Variants in MAP3K9 observed in about 807,000 individuals in gnomAD.
The protein encoded by MAP3K9 is mitogen-activated protein kinase kinase kinase 9.
A neutral mutation model predicts 95.8 loss-of-function variants in MAP3K9; 46 were observed. That is an observed-to-expected ratio of 0.48 (90% CI 0.38 to 0.61). The LOEUF (loss-of-function observed/expected upper bound fraction) is 0.61. Ranked by LOEUF, MAP3K9 falls within the 20% of genes least tolerant of loss-of-function variation. The pLI, the probability that MAP3K9 is intolerant of heterozygous loss-of-function variation, is 0.00. For synonymous variants in MAP3K9, 533 were observed against 593.8 expected, an observed-to-expected ratio of 0.90 and a Z score of 1.49; for missense variants, 1,296 against 1,474.3, an observed-to-expected ratio of 0.88 and a Z score of 1.98.
In MAP3K9 at chr14:70,733,079, C is replaced by CT; in HGVS notation, c.2289dup (p.Gly764ArgfsTer5). On this transcript the variant is annotated frameshift_variant, in exon 11 of 12. Coordinates refer to ENST00000554752, the MANE Select transcript of MAP3K9 (RefSeq NM_001284230.2). LOFTEE classifies it high-confidence loss of function. ...GCTTCCAGCAAGTCAAACCCTAGGC[C>CT]TGTGGCTGCCAGAACAGCCCCACAG... 2 of 1,614,146 alleles carry CT rather than the reference C, an allele frequency of 1.2e-6. No homozygotes were observed. Among genetic ancestry groups the CT allele is most frequent in the Non-Finnish European group, 1.7e-6 (2 of 1,180,040 alleles).
intron 7 of MAP3K9, among the ~76,000 whole-genome samples, chr14:70,739,409 C>T (rs1320696817): frequency 6.6e-6 from 1 of 152,046 alleles, no homozygotes; most frequent in Non-Finnish European, 1.5e-5. Flanking sequence ...GGATTACAGG[C>T]ATAAGCCACC....
chr14:70,751,718 C>G (rs902982936), intron 3 of MAP3K9, among the ~76,000 whole-genome samples: 1 of 152,024 alleles, frequency 6.6e-6, no homozygotes, highest in Non-Finnish European at 1.5e-5. Flanking sequence ...GACTCTGTCT[C>G]AAAGTAATCA....
rs1412704523 is a variant in MAP3K9, at chr14:70,800,683, G to A, written c.804C>T (p.Asp268=). Residue 268 remains aspartate, a synonymous_variant, in exon 2 of 12, where the codon GAC becomes GAT. Transcript: ENST00000554752. ...CATACTCACTGTTGCTGGACTTAAGGTCGCGGTGGATGATGGGAACAATTG... is the reference window on the plus strand; with the variant it reads ...CATACTCACTGTTGCTGGACTTAAGATCGCGGTGGATGATGGGAACAATTG... ...DEAIVPIIHR[D]LKSSNILILQ... is the part of the protein sequence containing the mutation. 2 of 1,613,648 alleles carry A rather than the reference G, an allele frequency of 1.2e-6. No individual in the cohort carries two copies. Among genetic ancestry groups the A allele is most frequent in the Non-Finnish European group, 1.7e-6 (2 of 1,179,798 alleles).
rs767160217 is a variant in MAP3K9, at chr14:70,732,613, C to G, written c.2756G>C (p.Gly919Ala). The change falls in exon 11 of 12, where the codon GGG (glycine) becomes GCG (alanine). Residue 919 changes from glycine (G) to alanine (A), a missense_variant. Gly to Ala is a moderately conservative substitution (Grantham distance 60, BLOSUM62 0). This residue lies in a region of MAP3K9 where 433 missense variants were observed against 441.4 expected (regional missense o/e 0.98). Coordinates refer to ENST00000554752, the MANE Select transcript of MAP3K9 (RefSeq NM_001284230.2). ...TAGGAGAGTCTCTGGCTTAAGGGCCCCATCAGAAGGAGTCCGCCGGTGACT... is the reference window on the plus strand; with the variant it reads ...TAGGAGAGTCTCTGGCTTAAGGGCCGCATCAGAAGGAGTCCGCCGGTGACT... ...PSSHRRTPSD[G>A]ALKPETLLAS... 6.8e-6 allele frequency: 11 copies of G among 1,606,834 alleles called. No individual in the cohort carries two copies. In the Admixed American group the frequency reaches 1.9e-4, roughly 27 times the overall value.
chr14:70,750,527 CA>C (rs2054211393), intron 3 of MAP3K9, among the ~76,000 whole-genome samples: 1 of 152,166 alleles, frequency 6.6e-6, no homozygotes. Context: ...CTCGGTTGCT[CA>C]GGCTGGAGTG....
intron 2 of MAP3K9, among the ~76,000 whole-genome samples, chr14:70,793,810 T>C (rs1421417938): frequency 2.0e-5 from 3 of 152,174 alleles, no homozygotes; most frequent in African/African-American, 7.2e-5. Context: ...AGAGGCCAGG[T>C]TGTGTAACTT....
At position 70,794,291 on chromosome 14, in the gene MAP3K9, G is replaced by C. The variant is rs74065433; in HGVS notation, c.820+6376C>G. On this transcript the variant is annotated intron_variant, in intron 2 of 11. Coordinates refer to ENST00000554752, the MANE Select transcript of MAP3K9 (RefSeq NM_001284230.2). ...CAAATACAGTTCACCACTCACCTCT[G>C]CTCTTTCAGCTATAAAGTTAAGAAT... Among the ~76,000 whole-genome samples the C allele has an allele frequency of 3.8e-3, 585 of 152,332 alleles. 3 individuals carry two copies. The highest frequency in any genetic ancestry group is 0.013 in the African/African-American group (560 of 41,576).
At chr14:70,768,510 T>G (rs895911824) in intron 2 of MAP3K9, among the ~76,000 whole-genome samples, 1 of 152,036 alleles carries the variant, frequency 6.6e-6, no homozygotes, top group South Asian at 2.1e-4. Flanking sequence ...AGAGAGGAAT[T>G]ACAGACAAAC....
At chr14:70,766,111 G>C (rs1476938283) in intron 2 of MAP3K9, among the ~76,000 whole-genome samples, 1 of 152,040 alleles carries the variant, frequency 6.6e-6, no homozygotes, top group South Asian at 2.1e-4. Flanking sequence ...GAAGAATGGT[G>C]GTGCCCCTAA....
At chr14:70,791,301 T>C (rs765944074) in intron 2 of MAP3K9, among the ~76,000 whole-genome samples, 24 of 152,148 alleles carry the variant, frequency 1.6e-4, no homozygotes, top group Non-Finnish European at 3.1e-4. Flanking sequence ...AGGCCCTTCA[T>C]ACAGCACAAG....
Position 70,809,354 on chromosome 14 carries a change from G to C in MAP3K9, c.-183C>G. ...GCGCTGTTACCGCGGTACGAGAAGA[G>C]CGCCGAGCGCGAGCTCTTCGCGCAG... On this transcript the variant is annotated 5_prime_UTR_variant, in exon 1 of 12. Coordinates refer to ENST00000554752, the MANE Select transcript of MAP3K9 (RefSeq NM_001284230.2). 1.4e-6 allele frequency: 1 copy of C among 720,670 alleles called. No individual in the cohort carries two copies. The highest frequency in any genetic ancestry group is 1.9e-6 in the Non-Finnish European group (1 of 522,444). 44.6% of individuals were successfully genotyped at this position (720,670 alleles called of 1,614,324 possible).
chr14:70,740,769 G>T (rs1363325913), intron 6 of MAP3K9, among the ~76,000 whole-genome samples: 2 of 152,202 alleles, frequency 1.3e-5, no homozygotes, highest in Non-Finnish European at 2.9e-5. Context: ...TATCAAAGAG[G>T]TAAAATAAAC....
chr14:70,739,959 C>CT, intron 7 of MAP3K9, 83 bp downstream of exon 7: 1 of 1,614,152 alleles, frequency 6.2e-7, no homozygotes, highest in Non-Finnish European at 8.5e-7. Flanking sequence ...TGGAGCAAGC[C>CT]TGGACCAGTC....
Position 70,730,711 on chromosome 14 carries a change from G to A in MAP3K9, c.2984C>T (p.Pro995Leu), listed in dbSNP as rs1394945189. 15 of 1,613,862 alleles carry A rather than the reference G, an allele frequency of 9.3e-6. No individual in the cohort carries two copies. Among genetic ancestry groups the A allele is most frequent in the African/African-American group, 2.7e-5 (2 of 75,016 alleles). ...RPKTLEFLPRPRPSANRQRLD... is the reference protein window; with the variant it reads ...RPKTLEFLPRLRPSANRQRLD... ...CCGTTGCCGGTTGGCAGAAGGACGCGGCCGAGGCAGAAACTCCAGAGTCTT... is the reference window on the plus strand; with the variant it reads ...CCGTTGCCGGTTGGCAGAAGGACGCAGCCGAGGCAGAAACTCCAGAGTCTT... Residue 995 changes from proline to leucine, a missense_variant, in exon 12 of 12, where the codon CCG becomes CTG. Pro to Leu is a moderately conservative substitution (Grantham distance 98). This residue lies in a region of MAP3K9 where 433 missense variants were observed against 441.4 expected (regional missense o/e 0.98). Transcript: ENST00000554752.
intron 2 of MAP3K9, among the ~76,000 whole-genome samples, chr14:70,788,887 C>A (rs1443030347): frequency 1.3e-5 from 2 of 152,182 alleles, no homozygotes; most frequent in Non-Finnish European, 2.9e-5. Flanking sequence ...TCAATCCACC[C>A]TGAATACTCC....
intron 1 of MAP3K9, among the ~76,000 whole-genome samples, chr14:70,801,578 G>A (rs2054931054): frequency 6.6e-6 from 1 of 152,166 alleles, no homozygotes; most frequent in South Asian, 2.1e-4. Flanking sequence ...GACTTACTCA[G>A]CTTTACTGTG....
intron 2 of MAP3K9, among the ~76,000 whole-genome samples, chr14:70,776,229 C>T (rs2139815208): frequency 6.6e-6 from 1 of 152,144 alleles, no homozygotes; most frequent in East Asian, 1.9e-4. Context: ...GGGAAGCTCA[C>T]AGACACTCAG....
At chr14:70,808,075 AACGACAT>A (rs1306339218) in intron 1 of MAP3K9, among the ~76,000 whole-genome samples, 1 of 152,132 alleles carries the variant, frequency 6.6e-6, no homozygotes, top group Non-Finnish European at 1.5e-5. Context: ...CCCATGGGGG[AACGACAT>A]ACTTTTTCCT....
chr14:70,797,831 C>A (rs1006190884), intron 2 of MAP3K9, among the ~76,000 whole-genome samples: 1 of 152,168 alleles, frequency 6.6e-6, no homozygotes, highest in Admixed American at 6.5e-5. Flanking sequence ...TAGACGTATA[C>A]AATCCTTGGC....
Sources: allele counts gnomAD v4.1 joint callset (sites outside exome capture counted in the v4.1 genomes callset), GRCh38; gene constraint gnomAD v4.1.1; regional missense constraint gnomAD v4.1.1; transcripts MANE v1.5; gene names NCBI Gene and HGNC (gene_info 2026-07-23, HGNC 2026-07-21).